Variants in EXOSC10 observed in about 807,000 individuals in gnomAD.
EXOSC10 encodes exosome component 10, also known as exosome complex component 10.
EXOSC10 carries 94 observed loss-of-function variants against 126.6 expected under a neutral mutation model. The observed-to-expected ratio is 0.74, with a 90% confidence interval of 0.63 to 0.88. The LOEUF is 0.88. Ranked by LOEUF, EXOSC10 falls within the 40% of genes least tolerant of loss-of-function variation. EXOSC10 has a pLI of 0.00. For synonymous variants in EXOSC10, 395 were observed against 400.8 expected (o/e 0.99, Z 0.17); for missense variants, 1,041 against 1,100.5 (o/e 0.95, Z 0.77).
chr1:11,091,102 G>C lies in EXOSC10; in HGVS notation c.555C>G (p.Leu185=). Residue 185 remains leucine, a synonymous_variant, in exon 5 of 25, where the codon CTC becomes CTG. Transcript: ENST00000376936. Reference sequence around the variant, plus strand: ...AATTGTCAATCTTCTCTCGAAACTTGAGCTGAGGTCGGATGATATTTTTTG... The same window carrying C: ...AATTGTCAATCTTCTCTCGAAACTTCAGCTGAGGTCGGATGATATTTTTTG... The part of the protein sequence containing the change: ...LHAKNIIRPQ[L]KFREKIDNSN... 1 of 1,614,192 alleles carries C rather than the reference G, an allele frequency of 6.2e-7. No homozygotes were observed. The highest frequency in any genetic ancestry group is 8.5e-7 in the Non-Finnish European group (1 of 1,180,042).
intron 9 of EXOSC10, among the ~76,000 whole-genome samples, chr1:11,084,110 C>T (rs997831516): frequency 6.6e-6 from 1 of 152,154 alleles, no homozygotes; most frequent in Non-Finnish European, 1.5e-5. Flanking sequence ...GTCTTTATAG[C>T]AGCATGATTT....
At chr1:11,092,855 C>G (rs1469035123) in intron 3 of EXOSC10, among the ~76,000 whole-genome samples, 1 of 152,146 alleles carries the variant, frequency 6.6e-6, no homozygotes, top group African/African-American at 2.4e-5. Context: ...GTATTCAATG[C>G]TACTTGAATT....
chr1:11,095,030 G>A (rs560109312), intron 3 of EXOSC10, among the ~76,000 whole-genome samples: 1 of 151,998 alleles, frequency 6.6e-6, no homozygotes, highest in African/African-American at 2.4e-5. Context: ...TGGCTAATAT[G>A]ACAAAACGAT....
intron 23 of EXOSC10, 77 bp from the exon 24 acceptor site, chr1:11,068,161 G>T: frequency 1.7e-6 from 2 of 1,164,168 alleles, no homozygotes; most frequent in Non-Finnish European, 2.6e-6. Flanking sequence ...CCTGAGCTCA[G>T]GTGGCCAAAG....
chr1:11,066,751 G>A lies in EXOSC10; in HGVS notation c.2628-3C>T, dbSNP rs1471593372. Reference sequence around the variant, plus strand: ...GTGGCCAGTTGTACCTGAAGCCTCTGCAGAGAGTACAAAAACAACAGTTAT... The same window carrying A: ...GTGGCCAGTTGTACCTGAAGCCTCTACAGAGAGTACAAAAACAACAGTTAT... On this transcript the variant is annotated splice_polypyrimidine_tract_variant and splice_region_variant and intron_variant, in intron 24 of 24. Transcript: ENST00000376936. 4 of 1,614,176 alleles carry A rather than the reference G, an allele frequency of 2.5e-6. No individual in the cohort carries two copies. Among genetic ancestry groups the A allele is most frequent in the Non-Finnish European group, 3.4e-6 (4 of 1,180,004 alleles).
At chr1:11,071,722 T>A in intron 20 of EXOSC10, 1 of 193,852 alleles carries the variant, frequency 5.2e-6, no homozygotes, top group Non-Finnish European at 1.1e-5. Flanking sequence ...GCTCTGCTCA[T>A]GCAGGCCCAC....
At chr1:11,079,954 A>G (rs1242492026) in intron 13 of EXOSC10, 132 bp from the exon 14 acceptor site, 1 of 722,440 alleles carries the variant, frequency 1.4e-6, no homozygotes, top group Admixed American at 2.4e-5. Context: ...GACTAAGGAA[A>G]CACTGATGTC....
rs776148611 is a variant in EXOSC10, at chr1:11,087,891, T to C, written c.854A>G (p.Glu285Gly). ...PQPQLYRPIEETPCHFISSLD... is the reference protein window; with the variant it reads ...PQPQLYRPIEGTPCHFISSLD... ...GGAGGATATGAAATGGCATGGTGTCTCTTCTATAGGTCTGTATAACTGGAT... is the reference window on the plus strand; with the variant it reads ...GGAGGATATGAAATGGCATGGTGTCCCTTCTATAGGTCTGTATAACTGGAT... The change falls in exon 8 of 25, where the codon GAG becomes GGG. Residue 285 changes from glutamate (E) to glycine (G), a missense_variant. Around this residue, in one of 3 missense-constraint regions of EXOSC10, gnomAD observed 645 missense variants for 656.3 expected, o/e 0.98. Transcript: ENST00000376936. The C allele has an allele frequency of 3.1e-6, 5 of 1,608,842 alleles. No individual in the cohort carries two copies. The highest frequency in any genetic ancestry group is 4.3e-6 in the Non-Finnish European group (5 of 1,175,530).
rs70977543 is a variant in EXOSC10, at chr1:11,080,563, A to AACACACACACACAC, written c.1587-28_1587-15dup. On this transcript the variant is annotated splice_polypyrimidine_tract_variant and intron_variant, in intron 12 of 24. Transcript: ENST00000376936. The stretch of plus-strand genomic sequence containing the variant: ...GGCAGTACATATCTGGAAAAAAAAA[A>AACACACACACACAC]ACACACACACACACACACACACACA... 75 of 1,423,584 alleles carry AACACACACACACAC rather than the reference A, an allele frequency of 5.3e-5. No homozygotes were observed. In the African/African-American group the frequency reaches 9.8e-4, roughly 19 times the overall value. 88.2% of individuals were successfully genotyped at this position (1,423,584 alleles called of 1,614,324 possible).
chr1:11,066,854 T>A, intron 24 of EXOSC10, 106 bp from the exon 25 acceptor site: 1 of 1,424,866 alleles, frequency 7.0e-7, no homozygotes, highest in South Asian at 1.2e-5. Context: ...AGAGGAAGAA[T>A]GGTTTGCTCA....
At chr1:11,081,368 G>A (rs1640158115) in intron 10 of EXOSC10, 130 bp from the exon 11 acceptor site, 1 of 956,732 alleles carries the variant, frequency 1.0e-6, no homozygotes. Context: ...CAATACTGCA[G>A]TTATGCCAAC....
intron 10 of EXOSC10, 49 bp downstream of exon 10, chr1:11,082,639 T>C: frequency 1.9e-6 from 3 of 1,607,146 alleles, no homozygotes; most frequent in Non-Finnish European, 2.6e-6. Flanking sequence ...GGTTAATGAA[T>C]AATCACTTTC....
intron 21 of EXOSC10, 44 bp from the exon 22 acceptor site, chr1:11,069,774 T>TG (rs1639350131): frequency 6.2e-7 from 1 of 1,602,260 alleles, no homozygotes; most frequent in African/African-American, 1.3e-5. Context: ...GGGAGGCACA[T>TG]GGGAACAGGG....
At chr1:11,089,718 C>T (rs1206782562) in intron 6 of EXOSC10, among the ~76,000 whole-genome samples, 1 of 151,990 alleles carries the variant, frequency 6.6e-6, no homozygotes, top group Admixed American at 6.6e-5. Flanking sequence ...AACCCCCAAC[C>T]CTTTGGGAGG....
rs143685813 is a variant in EXOSC10 at position 11,088,177 on chromosome 1, A to G, written c.780T>C (p.Tyr260=). The G allele has an allele frequency of 6.2e-7, 1 of 1,613,122 alleles. No individual in the cohort carries two copies. Among genetic ancestry groups the G allele is most frequent in the African/African-American group, 1.3e-5 (1 of 75,020 alleles). The stretch of plus-strand genomic sequence containing the variant: ...CTGCTGGGGTAAAGTGATTTAGTTC[A>G]TATTGATAAGGATGTGCAAACCTGA... ...EQDMFAHPYQ[Y]ELNHFTPADA... is the part of the protein sequence containing the mutation. The change falls in exon 7 of 25, where the codon TAT becomes TAC. Residue 260 remains tyrosine (Y), a synonymous_variant. Coordinates refer to ENST00000376936, the MANE Select transcript of EXOSC10 (RefSeq NM_001001998.3).
At chr1:11,067,728 G>A (rs908790647) in intron 24 of EXOSC10, among the ~76,000 whole-genome samples, 2 of 152,150 alleles carry the variant, frequency 1.3e-5, no homozygotes, top group African/African-American at 4.8e-5. Flanking sequence ...TATTTTCCCT[G>A]AGGTGACCCC....
chr1:11,066,943 G>C (rs1427344141), intron 24 of EXOSC10, among the ~76,000 whole-genome samples, 195 bp from the exon 25 acceptor site: 1 of 152,192 alleles, frequency 6.6e-6, no homozygotes, highest in East Asian at 1.9e-4. Context: ...TGTTTTTCCT[G>C]CCCTCGGGCA....
At chr1:11,078,240 G>C (rs1211430319) in intron 14 of EXOSC10, among the ~76,000 whole-genome samples, 1 of 152,014 alleles carries the variant, frequency 6.6e-6, no homozygotes, top group African/African-American at 2.4e-5. Flanking sequence ...ACTCCAGCCT[G>C]GGTGTCAGAG....
At chr1:11,078,117 A>T (rs1016266613) in intron 14 of EXOSC10, among the ~76,000 whole-genome samples, 5 of 151,974 alleles carry the variant, frequency 3.3e-5, no homozygotes, top group Admixed American at 6.6e-5. Context: ...ACAAAAAATT[A>T]AAAAAAACAT....
Sources: gnomAD v4.1 joint callset for allele counts (sites outside exome capture counted in the v4.1 genomes callset) on GRCh38, gnomAD v4.1.1 for gene constraint, gnomAD v4.1.1 regional missense constraint, MANE v1.5 for transcripts, NCBI Gene and HGNC (gene_info 2026-07-23, HGNC 2026-07-21) for gene names.